Variants in ZFP41 observed in about 807,000 individuals in gnomAD.
ZFP41 encodes the protein ZFP41 zinc finger protein.
ZFP41 carries 10 observed loss-of-function variants against 11.6 expected under a neutral mutation model. That is an observed-to-expected ratio of 0.86 (90% CI 0.53 to 1.47). The LOEUF (loss-of-function observed/expected upper bound fraction) is 1.47, where lower values mean the gene tolerates loss of function less well. Ranked by LOEUF, ZFP41 falls within the 40% of genes most tolerant of loss-of-function variation. The pLI, the probability that ZFP41 is intolerant of heterozygous loss-of-function variation, is 0.00. For synonymous variants in ZFP41, 123 were observed against 100.9 expected, an observed-to-expected ratio of 1.22 and a Z score of -1.31; for missense variants, 302 against 264.6, an observed-to-expected ratio of 1.14 and a Z score of -0.98.
At chr8:143,257,468 G>C (rs1277342445) in intron 2 of ZFP41, among the ~76,000 whole-genome samples, 2 of 152,142 alleles carry the variant, frequency 1.3e-5, no homozygotes, top group Admixed American at 6.5e-5. Context: ...TTGCACTCCA[G>C]CTCAGGCAAT....
Position 143,249,824 on chromosome 8 carries a change from C to G in ZFP41, c.-20C>G. 6.4e-7 allele frequency: 1 copy of G among 1,557,612 alleles called. No homozygotes were observed. Among genetic ancestry groups the G allele is most frequent in the Non-Finnish European group, 8.6e-7 (1 of 1,157,476 alleles). On this transcript the variant is annotated 5_prime_UTR_variant, in exon 2 of 3. Transcript: ENST00000330701. The stretch of plus-strand genomic sequence containing the variant: ...GAGGTCAGCAGCCCCTTAGCCCTCA[C>G]GCTTCCAAGGAACAGAATGATGGAG...
intron 2 of ZFP41, among the ~76,000 whole-genome samples, chr8:143,255,227 G>A (rs1350612598): frequency 2.6e-5 from 4 of 152,202 alleles, no homozygotes; most frequent in Non-Finnish European, 5.9e-5. Context: ...CTGTGGACTT[G>A]ACCCTCACTC....
rs551372901 is a variant in ZFP41, at chr8:143,260,374, C to A, written c.*1500C>A. On this transcript the variant is annotated 3_prime_UTR_variant, in exon 3 of 3. Coordinates refer to ENST00000330701, the MANE Select transcript of ZFP41 (RefSeq NM_173832.6). ...AGAGCCATCCTAGTGGGGCAGTGGG[C>A]GCGGGGCGGGGGCTCCTGACTCCGG... is the stretch of plus-strand genomic sequence containing the variant. 1 of 154,832 alleles carries A rather than the reference C, an allele frequency of 6.5e-6. No individual in the cohort carries two copies. Among genetic ancestry groups the A allele is most frequent in the African/African-American group, 2.4e-5 (1 of 41,476 alleles). 9.6% of individuals were successfully genotyped at this position (154,832 alleles called of 1,614,324 possible).
At chr8:143,252,621 A>G (rs112500815) in intron 2 of ZFP41, 1 of 985,052 alleles carries the variant, frequency 1.0e-6, no homozygotes, top group African/African-American at 1.7e-5. Flanking sequence ...GTGGCTTCTC[A>G]ATGGCCCGTG....
In ZFP41 at chr8:143,261,078, G is replaced by C. The variant is rs1259690812; in HGVS notation, c.*2204G>C. 2.6e-5 allele frequency: 4 copies of C among 152,282 alleles called. No individual in the cohort carries two copies. The highest frequency in any genetic ancestry group is 7.2e-5 in the African/African-American group (3 of 41,426). 9.4% of individuals were successfully genotyped at this position (152,282 alleles called of 1,614,324 possible). ...GGGACGCAGCCGACCAGCCCTCCTT[G>C]TCTGGGCCTCTGTTTCCTCTTCGAC... On this transcript the variant is annotated 3_prime_UTR_variant, in exon 3 of 3. Coordinates refer to ENST00000330701, the MANE Select transcript of ZFP41 (RefSeq NM_173832.6).
intron 1 of ZFP41, 190 bp from the exon 2 acceptor site, chr8:143,249,500 G>A (rs1816753518): frequency 4.8e-6 from 1 of 209,804 alleles, no homozygotes. Flanking sequence ...GGATTCCTTG[G>A]TGAGCAACTG....
At chr8:143,255,917 G>T (rs1586715862) in intron 2 of ZFP41, among the ~76,000 whole-genome samples, 1 of 93,886 alleles carries the variant, frequency 1.1e-5, no homozygotes, top group Non-Finnish European at 2.0e-5. Flanking sequence ...GCTGGTGTTA[G>T]TGAGATCACG....
At chr8:143,256,245 G>A (rs1274262870) in intron 2 of ZFP41, among the ~76,000 whole-genome samples, 3 of 104,764 alleles carry the variant, frequency 2.9e-5, no homozygotes, top group African/African-American at 8.1e-5. Flanking sequence ...CTCGCCCCGC[G>A]TGCTGGTGTT....
At chr8:143,259,382 G>A (rs374380537) in intron 2 of ZFP41, among the ~76,000 whole-genome samples, 1 of 152,238 alleles carries the variant, frequency 6.6e-6, no homozygotes, top group East Asian at 1.9e-4. Context: ...CACAGGGCAC[G>A]GGCCCCTGGG....
chr8:143,254,973 A>G (rs1301855434), intron 2 of ZFP41, among the ~76,000 whole-genome samples: 1 of 152,136 alleles, frequency 6.6e-6, no homozygotes, highest in Non-Finnish European at 1.5e-5. Context: ...ATGCCACAAT[A>G]AATATCTTTT....
chr8:143,253,109 C>T (rs1296783903), intron 2 of ZFP41: 4 of 152,080 alleles, frequency 2.6e-5, no homozygotes, highest in Admixed American at 6.6e-5. Flanking sequence ...TTTGCTGGGA[C>T]GTTTGGCCGA....
chr8:143,254,244 A>G (rs1814852835), intron 2 of ZFP41, among the ~76,000 whole-genome samples: 1 of 152,200 alleles, frequency 6.6e-6, no homozygotes, highest in African/African-American at 2.4e-5. Flanking sequence ...ACCGCCAGCC[A>G]CGTAAACCTC....
At position 143,261,546 on chromosome 8, in the gene ZFP41, C is replaced by A. The variant is rs146555634; in HGVS notation, c.*2672C>A. 6.5e-6 allele frequency: 1 copy of A among 153,508 alleles called. No homozygotes were observed. Among genetic ancestry groups the A allele is most frequent in the East Asian group, 1.9e-4 (1 of 5,186 alleles). 9.5% of individuals were successfully genotyped at this position (153,508 alleles called of 1,614,324 possible). A position where few individuals can be genotyped will look rare whatever the true frequency, so the allele number is the denominator to read the frequency against. On this transcript the variant is annotated 3_prime_UTR_variant, in exon 3 of 3. Transcript: ENST00000330701. ...GTGTTGGCACTCTCCTGGCTTCCTC[C>A]GCAAACCTAGCCACGTGGTCAGGGA...
chr8:143,257,092 G>A (rs1435871696), intron 2 of ZFP41, among the ~76,000 whole-genome samples: 1 of 152,258 alleles, frequency 6.6e-6, no homozygotes, highest in African/African-American at 2.4e-5. Context: ...TGGGAGCCAA[G>A]GGCAGTATCC....
chr8:143,252,359 G>A (rs1051457468), intron 2 of ZFP41, among the ~76,000 whole-genome samples: 1 of 152,224 alleles, frequency 6.6e-6, no homozygotes, highest in Non-Finnish European at 1.5e-5. Flanking sequence ...CATGCGGAAG[G>A]CCCCACCCCG....
chr8:143,251,484 C>G (rs565843136), intron 2 of ZFP41, 144 bp downstream of exon 2: 1 of 152,314 alleles, frequency 6.6e-6, no homozygotes, highest in Non-Finnish European at 1.5e-5. Flanking sequence ...AAGAGGGTAG[C>G]AAATGACTTT....
Position 143,250,199 on chromosome 8 carries a change from A to G in ZFP41, c.356A>G (p.Gln119Arg), listed in dbSNP as rs1816774253. The G allele has an allele frequency of 2.5e-6, 4 of 1,614,078 alleles. No individual in the cohort carries two copies. The highest frequency in any genetic ancestry group is 2.7e-5 in the African/African-American group (2 of 75,016). Residue 119 changes from glutamine (Q) to arginine (R), a missense_variant, in exon 2 of 3, where the codon CAG (glutamine) becomes CGG (arginine). Transcript: ENST00000330701. ...HTGEKPFKCA[Q>R]CGKAFRHSSD... ...GGAGAGAAGCCCTTCAAGTGTGCGC[A>G]GTGCGGGAAGGCCTTCCGGCACAGC... is the stretch of plus-strand genomic sequence containing the variant.
chr8:143,254,506 C>T (rs754917034), intron 2 of ZFP41, among the ~76,000 whole-genome samples: 5 of 152,196 alleles, frequency 3.3e-5, no homozygotes, highest in Non-Finnish European at 5.9e-5. Flanking sequence ...CAAGTGTGGA[C>T]ACGGCTGTCT....
In ZFP41 at chr8:143,253,203, C is replaced by T. The variant is rs748461665; in HGVS notation, c.*900+1863C>T. On this transcript the variant is annotated intron_variant, in intron 2 of 2. Coordinates refer to ENST00000330701, the MANE Select transcript of ZFP41 (RefSeq NM_173832.6). The stretch of plus-strand genomic sequence containing the variant: ...CAGCACCAGCGCAGCAGGGACGGGG[C>T]GGTCCTCACTGACGTCCTCCTACTG... 3.3e-5 allele frequency: 5 copies of T among 152,312 alleles called. No homozygotes were observed. The East Asian group carries it at 5.8e-4, about 18-fold the overall frequency. 9.4% of individuals were successfully genotyped at this position (152,312 alleles called of 1,614,324 possible). A position where few individuals can be genotyped will look rare whatever the true frequency, so the allele number is the denominator to read the frequency against.
Sources: gnomAD v4.1 joint callset for allele counts (sites outside exome capture counted in the v4.1 genomes callset) on GRCh38, gnomAD v4.1.1 for gene constraint, MANE v1.5 for transcripts, NCBI Gene and HGNC (gene_info 2026-07-23, HGNC 2026-07-21) for gene names.